CNTN5: variants seen among roughly 807,000 people sequenced by gnomAD.
CNTN5 encodes the protein contactin 5.
Under a neutral mutation model 129.1 loss-of-function variants are expected in CNTN5, and 77 were observed. That is an observed-to-expected ratio of 0.60 (90% CI 0.50 to 0.72). CNTN5 has a LOEUF of 0.72. Among genes scored for constraint, CNTN5 ranks in the 30% least tolerant of loss-of-function variants. The pLI is 0.00. For missense variants in CNTN5, 1,478 were observed against 1,328.8 expected, an observed-to-expected ratio of 1.11 and a Z score of -1.75; for synonymous variants, 509 against 465.6, an observed-to-expected ratio of 1.09 and a Z score of -1.20.
chr11:100,015,145 G>C (rs1940755419), intron 9 of CNTN5, among the ~76,000 whole-genome samples: 1 of 152,062 alleles, frequency 6.6e-6, no homozygotes, highest in South Asian at 2.1e-4. Flanking sequence ...ATGTACTCAA[G>C]GGGAAGCACG....
At chr11:99,904,439 G>C (rs1239465203) in intron 6 of CNTN5, among the ~76,000 whole-genome samples, 1 of 152,108 alleles carries the variant, frequency 6.6e-6, no homozygotes, top group Non-Finnish European at 1.5e-5. Flanking sequence ...ATGGTTTCCA[G>C]CTTCATCCAT....
intron 1 of CNTN5, among the ~76,000 whole-genome samples, chr11:99,275,224 T>A (rs1231824137): frequency 2.0e-5 from 3 of 151,402 alleles, no homozygotes; most frequent in Non-Finnish European, 4.4e-5. Context: ...AACAAACACA[T>A]CTTTTTTCAT....
intron 6 of CNTN5, among the ~76,000 whole-genome samples, chr11:99,895,453 T>C (rs1949180576): frequency 6.6e-6 from 1 of 152,192 alleles, no homozygotes; most frequent in Non-Finnish European, 1.5e-5. Context: ...GCCATGCCTT[T>C]CTCATGGAAA....
intron 1 of CNTN5, among the ~76,000 whole-genome samples, chr11:99,256,666 G>C (rs1862391045): frequency 6.6e-6 from 1 of 151,942 alleles, no homozygotes; most frequent in Admixed American, 6.6e-5. Flanking sequence ...AAGTTTTCCT[G>C]TAAGCAAGGG....
intron 1 of CNTN5, among the ~76,000 whole-genome samples, chr11:99,207,647 C>T (rs1181642564): frequency 6.6e-6 from 1 of 152,096 alleles, no homozygotes; most frequent in East Asian, 1.9e-4. Flanking sequence ...ATAACGAATA[C>T]TCTGAAGTGT....
In CNTN5 at chr11:100,149,074, A is replaced by G. The variant is rs1946957249; in HGVS notation, c.1581-42052A>G. On this transcript the variant is annotated intron_variant, in intron 13 of 24. Coordinates refer to ENST00000524871, the MANE Select transcript of CNTN5 (RefSeq NM_014361.4). ...CATCAGCGTTTTTTCAAAAGTTAAT[A>G]GATTTTAGGAAGATTATGTCTAAAG... is the stretch of plus-strand genomic sequence containing the variant. Among the ~76,000 whole-genome samples the G allele has an allele frequency of 2.0e-5, 3 of 152,202 alleles. 1 individual carries two copies. The highest frequency in any genetic ancestry group is 2.0e-4 in the Admixed American group (3 of 15,272).
At chr11:99,085,260 G>T (rs1201392030) in intron 1 of CNTN5, among the ~76,000 whole-genome samples, 4 of 142,160 alleles carry the variant, frequency 2.8e-5, no homozygotes, top group Admixed American at 2.2e-4. Context: ...GGCCCAGGGT[G>T]GTTCTCGAAC....
At chr11:100,035,246 T>C (rs1473254791) in intron 9 of CNTN5, among the ~76,000 whole-genome samples, 5 of 151,878 alleles carry the variant, frequency 3.3e-5, no homozygotes, top group Non-Finnish European at 7.4e-5. Flanking sequence ...TGTGATAGTT[T>C]ACTGAGAATG....
intron 3 of CNTN5, among the ~76,000 whole-genome samples, chr11:99,650,597 A>T (rs967925151): frequency 6.7e-6 from 1 of 149,916 alleles, no homozygotes; most frequent in African/African-American, 2.4e-5. Context: ...TCCTGTGATA[A>T]AAGTTTTCTT....
At chr11:99,240,662 A>AT (rs1329432869) in intron 1 of CNTN5, among the ~76,000 whole-genome samples, 3 of 152,062 alleles carry the variant, frequency 2.0e-5, no homozygotes, top group Non-Finnish European at 4.4e-5. Context: ...AGTTTTTATC[A>AT]TTTTTCTTAT....
intron 3 of CNTN5, among the ~76,000 whole-genome samples, chr11:99,728,546 A>G (rs144066476): frequency 2.2e-3 from 328 of 152,314 alleles, no homozygotes; most frequent in African/African-American, 7.7e-3. Flanking sequence ...AAATAAATAG[A>G]TAACGATCTG....
chr11:99,509,320 G>A (rs1163089855), intron 2 of CNTN5, among the ~76,000 whole-genome samples: 5 of 151,894 alleles, frequency 3.3e-5, no homozygotes, highest in Non-Finnish European at 5.9e-5. Flanking sequence ...GTTCACCATC[G>A]TACATGAAAA....
chr11:99,363,883 G>A (rs1220217740), intron 2 of CNTN5, among the ~76,000 whole-genome samples: 3 of 151,982 alleles, frequency 2.0e-5, no homozygotes, highest in Non-Finnish European at 4.4e-5. Flanking sequence ...GCTATCACTA[G>A]TCCTGTTTTC....
At position 99,398,694 on chromosome 11, in the gene CNTN5, T is replaced by C. The variant is rs573998663; in HGVS notation, c.-71+73210T>C. Among the ~76,000 whole-genome samples the C allele has an allele frequency of 2.0e-5, 3 of 152,084 alleles. No individual in the cohort carries two copies. In the South Asian group the frequency reaches 6.2e-4, roughly 32 times the overall value. On this transcript the variant is annotated intron_variant, in intron 2 of 24. Coordinates refer to ENST00000524871, the MANE Select transcript of CNTN5 (RefSeq NM_014361.4). ...GTTCAACACTTGATAATTCATTTAT[T>C]TTCCATTCAAACAATATTCCATTGT...
intron 2 of CNTN5, among the ~76,000 whole-genome samples, chr11:99,343,781 C>T (rs1532816): frequency 0.25 from 37,886 of 151,874 alleles, 5,291 homozygotes; most frequent in South Asian, 0.31. Flanking sequence ...ACAAAAACAG[C>T]AGTTTCATAT....
At position 99,512,602 on chromosome 11, in the gene CNTN5, C is replaced by T. The variant is rs141386987; in HGVS notation, c.-70-43543C>T. Among the ~76,000 whole-genome samples the T allele has an allele frequency of 4.6e-3, 704 of 152,236 alleles. 4 individuals are homozygous for T. The highest frequency in any genetic ancestry group is 0.022 in the South Asian group (107 of 4,826). ...TGCCATTTTTTCAACATCATGTGCT[C>T]ACTTCCTGTCTTTGTGTCATGTCAG... On this transcript the variant is annotated intron_variant, in intron 2 of 24. Coordinates refer to ENST00000524871, the MANE Select transcript of CNTN5 (RefSeq NM_014361.4).
intron 2 of CNTN5, among the ~76,000 whole-genome samples, chr11:99,400,870 A>T (rs59141279): frequency 0.21 from 32,194 of 152,086 alleles, 4,416 homozygotes; most frequent in East Asian, 0.56. Context: ...TGCCATTTTT[A>T]TGTATTCGTT....
chr11:100,098,164 C>G (rs760306523), intron 13 of CNTN5, among the ~76,000 whole-genome samples: 6 of 151,834 alleles, frequency 4.0e-5, no homozygotes, highest in Admixed American at 6.6e-5. Flanking sequence ...AAGCTTCTGT[C>G]CAATTACCCA....
intron 3 of CNTN5, among the ~76,000 whole-genome samples, chr11:99,788,959 A>T (rs1023190097): frequency 3.3e-5 from 5 of 151,894 alleles, no homozygotes; most frequent in Admixed American, 3.3e-4. Context: ...GCCTCTCAAA[A>T]TCTAGTAGCT....
Sources: allele counts gnomAD v4.1 joint callset (sites outside exome capture counted in the v4.1 genomes callset), GRCh38; gene constraint gnomAD v4.1.1; transcripts MANE v1.5; gene names NCBI Gene and HGNC (gene_info 2026-07-23, HGNC 2026-07-21).